DIAPH2: variants seen among roughly 807,000 people sequenced by gnomAD.
DIAPH2 encodes protein diaphanous homolog 2.
A neutral mutation model predicts 92.7 loss-of-function variants in DIAPH2; 35 were observed. The ratio of observed to expected loss-of-function variants is 0.38; its 90% CI spans 0.29 to 0.50. The LOEUF (loss-of-function observed/expected upper bound fraction) is 0.50, where lower values mean the gene tolerates loss of function less well. Ranked by LOEUF, DIAPH2 falls within the 20% of genes least tolerant of loss-of-function variation. DIAPH2 has a pLI of 0.94. For missense variants in DIAPH2, 701 were observed against 819.5 expected (o/e 0.86, Z 1.77); for synonymous variants, 301 against 280.4 (o/e 1.07, Z -0.73).
chrX:97,012,951 T>C (rs1310099544), intron 17 of DIAPH2, among the ~76,000 whole-genome samples: 1 of 111,848 alleles, frequency 8.9e-6, no homozygotes, highest in Non-Finnish European at 1.9e-5. Context: ...CACACCACTT[T>C]TTATATTCTT....
rs765097665 is a variant in DIAPH2 at position 97,032,825 on chromosome X, TCA to T, written c.2051-40115_2051-40114del. Among the ~76,000 whole-genome samples, 7 of 112,016 alleles carry T rather than the reference TCA, an allele frequency of 6.2e-5. No homozygotes were observed. The South Asian group carries it at 2.6e-3, about 41-fold the overall frequency. The stretch of plus-strand genomic sequence containing the variant: ...TGCCTAAAGGATGTACTGCTTTGTT[TCA>T]GAGAGTCTGACTTATGTGACTAACT... On this transcript the variant is annotated intron_variant, in intron 17 of 26. Coordinates refer to ENST00000324765, the MANE Select transcript of DIAPH2 (RefSeq NM_006729.5).
intron 23 of DIAPH2, among the ~76,000 whole-genome samples, chrX:97,317,190 T>C (rs1471447640): frequency 1.8e-5 from 2 of 112,106 alleles, no homozygotes; most frequent in East Asian, 5.6e-4. Context: ...AATTTGTTTT[T>C]TTTAGCCCAA....
chrX:97,305,894 A>G (rs955843370), intron 23 of DIAPH2, among the ~76,000 whole-genome samples: 3 of 109,521 alleles, frequency 2.7e-5, no homozygotes, highest in Non-Finnish European at 3.8e-5. Context: ...AACTGTCACT[A>G]GGGCAGTTCA....
At chrX:96,866,208 T>C (rs2147729911) in intron 4 of DIAPH2, among the ~76,000 whole-genome samples, 1 of 111,891 alleles carries the variant, frequency 8.9e-6, no homozygotes, top group Admixed American at 9.5e-5. Context: ...AGTTTGTGAA[T>C]GTTCATATTC....
intron 8 of DIAPH2, among the ~76,000 whole-genome samples, chrX:96,917,636 A>C (rs1271060371): frequency 1.8e-5 from 2 of 111,505 alleles, no homozygotes; most frequent in African/African-American, 6.5e-5. Flanking sequence ...ATAATTTGAT[A>C]AGAGTAGTAT....
At chrX:97,282,649 A>G (rs1319289696) in intron 23 of DIAPH2, among the ~76,000 whole-genome samples, 1 of 111,861 alleles carries the variant, frequency 8.9e-6, no homozygotes, top group African/African-American at 3.2e-5. Flanking sequence ...ATAACAGACA[A>G]TTGAATTAAG....
At chrX:97,172,883 C>G (rs1352263621) in intron 22 of DIAPH2, among the ~76,000 whole-genome samples, 1 of 111,701 alleles carries the variant, frequency 9.0e-6, no homozygotes, top group Non-Finnish European at 1.9e-5. Flanking sequence ...TTCACTATGC[C>G]CAGAATACAG....
At chrX:97,497,898 A>T (rs1175281045) in intron 26 of DIAPH2, among the ~76,000 whole-genome samples, 1 of 111,247 alleles carries the variant, frequency 9.0e-6, no homozygotes, top group East Asian at 2.8e-4. Context: ...ATCATATAAC[A>T]GTCTTTTTCT....
intron 17 of DIAPH2, among the ~76,000 whole-genome samples, chrX:97,040,247 A>T (rs2066439597): frequency 9.5e-6 from 1 of 105,169 alleles, no homozygotes; most frequent in Middle Eastern, 4.5e-3. Context: ...GAAGACATTT[A>T]TTAAATCTCG....
chrX:96,984,251 A>G (rs2066016547), intron 17 of DIAPH2, among the ~76,000 whole-genome samples: 1 of 111,708 alleles, frequency 9.0e-6, no homozygotes, highest in African/African-American at 3.3e-5. Flanking sequence ...TAGGAGTAAG[A>G]AGCAAAAGGA....
rs1239704000 is a variant in DIAPH2 at position 97,271,447 on chromosome X, A to G, written c.2844+23608A>G. On this transcript the variant is annotated intron_variant, in intron 23 of 26. Coordinates refer to ENST00000324765, the MANE Select transcript of DIAPH2 (RefSeq NM_006729.5). ...ATTTTCCCAGAAGAAATGTCGTAGT[A>G]AAATGTTTGAAAGACAGCAAGGTAA... Among the ~76,000 whole-genome samples the G allele has an allele frequency of 2.7e-5, 3 of 111,815 alleles. No individual in the cohort carries two copies. The Admixed American group carries it at 2.9e-4, about 11-fold the overall frequency.
chrX:97,429,823 G>T, intron 26 of DIAPH2, 78 bp downstream of exon 26: 1 of 877,963 alleles, frequency 1.1e-6, no homozygotes, highest in Non-Finnish European at 1.5e-6. Flanking sequence ...AAAAAAAAAA[G>T]GAAAAATAAA....
chrX:96,696,635 A>G (rs1234457467), intron 1 of DIAPH2, among the ~76,000 whole-genome samples: 1 of 111,997 alleles, frequency 8.9e-6, no homozygotes, highest in East Asian at 2.8e-4. Flanking sequence ...ACGGAAGGTA[A>G]TGGTCTGAGC....
intron 9 of DIAPH2, among the ~76,000 whole-genome samples, chrX:96,923,626 T>G (rs1267171042): frequency 1.8e-5 from 2 of 111,259 alleles, no homozygotes; most frequent in African/African-American, 3.3e-5. Context: ...GGTTGGAAGG[T>G]TGGGAGAGAG....
Position 97,114,154 on chromosome X carries a change from C to T in DIAPH2, c.2350-572C>T, listed in dbSNP as rs141229057. 3.4e-3 allele frequency among the ~76,000 whole-genome samples: 384 copies of T among 111,525 alleles called. 1 individual carries two copies. Among genetic ancestry groups the T allele is most frequent in the African/African-American group, 0.012 (373 of 30,779 alleles). Reference sequence around the variant, plus strand: ...CTAATTACTTAACAGCAGCATCTGTCAAGTAGGTGAAATTCTTTAGAAATT... The same window carrying T: ...CTAATTACTTAACAGCAGCATCTGTTAAGTAGGTGAAATTCTTTAGAAATT... On this transcript the variant is annotated intron_variant, in intron 20 of 26. Transcript: ENST00000324765.
intron 22 of DIAPH2, among the ~76,000 whole-genome samples, chrX:97,218,175 C>T (rs911226184): frequency 2.8e-5 from 3 of 107,736 alleles, no homozygotes; most frequent in African/African-American, 1.0e-4. Flanking sequence ...CTGCAACCTC[C>T]GCCTCCCAGG....
intron 14 of DIAPH2, among the ~76,000 whole-genome samples, chrX:96,946,452 C>T (rs1378087846): frequency 9.0e-6 from 1 of 111,526 alleles, no homozygotes; most frequent in Non-Finnish European, 1.9e-5. Context: ...TTATGACTTA[C>T]CTTGGAGATT....
chrX:97,341,871 A>G (rs2069116422), intron 23 of DIAPH2, among the ~76,000 whole-genome samples: 1 of 111,721 alleles, frequency 9.0e-6, no homozygotes, highest in South Asian at 3.8e-4. Flanking sequence ...TTCACATGCA[A>G]ATTCTTCCAG....
At chrX:97,267,493 G>C (rs2068347466) in intron 23 of DIAPH2, among the ~76,000 whole-genome samples, 1 of 111,361 alleles carries the variant, frequency 9.0e-6, no homozygotes, top group African/African-American at 3.3e-5. Context: ...TTTTGCCTTT[G>C]TGCCCCCTCA....
Sources: allele counts gnomAD v4.1 joint callset (sites outside exome capture counted in the v4.1 genomes callset), GRCh38; gene constraint gnomAD v4.1.1; transcripts MANE v1.5; gene names NCBI Gene and HGNC (gene_info 2026-07-23, HGNC 2026-07-21).